Variants in ZNF804B observed in about 807,000 individuals in gnomAD.
ZNF804B encodes the protein zinc finger protein 804B, also known as zinc finger 804B.
A neutral mutation model predicts 101.4 loss-of-function variants in ZNF804B; 80 were observed. The ratio of observed to expected loss-of-function variants is 0.79; its 90% CI spans 0.66 to 0.95. ZNF804B has a LOEUF of 0.95. Ranked by LOEUF, ZNF804B falls within the 40% of genes least tolerant of loss-of-function variation. The probability of loss-of-function intolerance (pLI) is 0.00; values close to 1 mark genes in which losing one functional copy is unlikely to be tolerated. For missense variants in ZNF804B, 1,673 were observed against 1,561.9 expected (o/e 1.07, Z -1.20); for synonymous variants, 622 against 558.8 (o/e 1.11, Z -1.59).
At chr7:89,066,943 A>G (rs775394885) in intron 1 of ZNF804B, among the ~76,000 whole-genome samples, 3 of 151,862 alleles carry the variant, frequency 2.0e-5, no homozygotes, top group Non-Finnish European at 2.9e-5. Context: ...TTTCTAATAT[A>G]TATATAAGTA....
At position 88,857,822 on chromosome 7, in the gene ZNF804B, C is replaced by CTTTTTTTTTTTTTTTTTTTT. The variant is rs55841922; in HGVS notation, c.108+97748_108+97767dup. 1.4e-4 allele frequency among the ~76,000 whole-genome samples: 11 copies of CTTTTTTTTTTTTTTTTTTTT among 81,472 alleles called. 1 individual carries two copies. Among genetic ancestry groups the CTTTTTTTTTTTTTTTTTTTT allele is most frequent in the African/African-American group, 2.6e-4 (5 of 18,868 alleles). 53.4% of individuals were successfully genotyped at this position (81,472 alleles called of 152,430 possible). A position where few individuals can be genotyped will look rare whatever the true frequency, so the allele number is the denominator to read the frequency against. On this transcript the variant is annotated intron_variant, in intron 1 of 3. Transcript: ENST00000333190. The stretch of plus-strand genomic sequence containing the variant: ...CTTTCTTTCTCCTTTCCTTTCTTTT[C>CTTTTTTTTTTTTTTTTTTTT]TTTTTTTTTTTTTTTTTTTTTTTTT...
intron 1 of ZNF804B, among the ~76,000 whole-genome samples, chr7:89,197,874 A>G (rs1227699930): frequency 6.6e-6 from 1 of 151,870 alleles, no homozygotes; most frequent in Non-Finnish European, 1.5e-5. Flanking sequence ...CCTCATTTCT[A>G]TGTGAATAAA....
At chr7:89,135,658 G>A (rs190909834) in intron 1 of ZNF804B, among the ~76,000 whole-genome samples, 1 of 151,928 alleles carries the variant, frequency 6.6e-6, no homozygotes, top group Non-Finnish European at 1.5e-5. Context: ...GATGCACAAG[G>A]ATGATATTAA....
At chr7:89,005,264 G>T (rs1456631932) in intron 1 of ZNF804B, among the ~76,000 whole-genome samples, 1 of 151,990 alleles carries the variant, frequency 6.6e-6, no homozygotes, top group African/African-American at 2.4e-5. Context: ...GGGTTACAAG[G>T]TTACAAAGCA....
intron 1 of ZNF804B, among the ~76,000 whole-genome samples, chr7:88,820,714 G>A (rs994605133): frequency 5.3e-5 from 8 of 152,074 alleles, no homozygotes; most frequent in African/African-American, 1.9e-4. Flanking sequence ...TCTTATTGCT[G>A]TTCTCACTGC....
chr7:88,837,331 G>A (rs928644719), intron 1 of ZNF804B, among the ~76,000 whole-genome samples: 7 of 151,930 alleles, frequency 4.6e-5, no homozygotes, highest in Admixed American at 6.6e-5. Flanking sequence ...AAATGAAATC[G>A]AAATTTTGGA....
At chr7:88,974,489 A>G (rs1306699300) in intron 1 of ZNF804B, among the ~76,000 whole-genome samples, 4 of 151,258 alleles carry the variant, frequency 2.6e-5, no homozygotes, top group African/African-American at 9.7e-5. Context: ...TGATAAATAT[A>G]TATAATTTTA....
At chr7:89,113,897 C>T (rs1014232874) in intron 1 of ZNF804B, among the ~76,000 whole-genome samples, 1 of 151,458 alleles carries the variant, frequency 6.6e-6, no homozygotes, top group African/African-American at 2.4e-5. Context: ...TGTAGTCAGC[C>T]GAGATCGTGC....
intron 1 of ZNF804B, among the ~76,000 whole-genome samples, chr7:89,110,276 A>G (rs1450468136): frequency 6.6e-6 from 1 of 152,200 alleles, no homozygotes; most frequent in African/African-American, 2.4e-5. Context: ...TTCATGAGAA[A>G]CCAGATAGGT....
chr7:88,898,953 C>T (rs1792348513), intron 1 of ZNF804B, among the ~76,000 whole-genome samples: 1 of 152,154 alleles, frequency 6.6e-6, no homozygotes, highest in African/African-American at 2.4e-5. Context: ...CAGTCTTAAC[C>T]CTTGTCTCTT....
At chr7:88,889,448 A>AT (rs553751322) in intron 1 of ZNF804B, among the ~76,000 whole-genome samples, 1 of 152,020 alleles carries the variant, frequency 6.6e-6, no homozygotes, top group Non-Finnish European at 1.5e-5. Flanking sequence ...AACGTCTGTT[A>AT]TTTTTTGACT....
At chr7:89,152,444 CA>C (rs1183382237) in intron 1 of ZNF804B, among the ~76,000 whole-genome samples, 1 of 151,612 alleles carries the variant, frequency 6.6e-6, no homozygotes, top group East Asian at 1.9e-4. Flanking sequence ...CTATTAAATT[CA>C]ATTAAAATTA....
At chr7:89,196,704 G>A (rs891587832) in intron 1 of ZNF804B, among the ~76,000 whole-genome samples, 1 of 151,940 alleles carries the variant, frequency 6.6e-6, no homozygotes, top group African/African-American at 2.4e-5. Context: ...CAAAATGGGA[G>A]AACATTTTTG....
chr7:89,276,963 G>A (rs1234939382), intron 2 of ZNF804B, among the ~76,000 whole-genome samples: 1 of 151,446 alleles, frequency 6.6e-6, no homozygotes, highest in Non-Finnish European at 1.5e-5. Flanking sequence ...TAGTGTATAT[G>A]TTTGTGTCTT....
intron 2 of ZNF804B, among the ~76,000 whole-genome samples, chr7:89,310,763 T>A (rs1411286871): frequency 6.6e-6 from 1 of 152,194 alleles, no homozygotes; most frequent in Non-Finnish European, 1.5e-5. Context: ...ACATTGCTCT[T>A]AAGAAAACAG....
At chr7:89,132,162 G>A (rs367982017) in intron 1 of ZNF804B, among the ~76,000 whole-genome samples, 41 of 87,706 alleles carry the variant, frequency 4.7e-4, no homozygotes, top group African/African-American at 1.4e-3. Context: ...GAGAACACAC[G>A]CACACATACA....
At chr7:88,929,324 T>C (rs941494202) in intron 1 of ZNF804B, among the ~76,000 whole-genome samples, 5 of 149,256 alleles carry the variant, frequency 3.3e-5, no homozygotes, top group African/African-American at 1.2e-4. Context: ...CTTACTTTTC[T>C]ACTATATCCC....
At chr7:88,921,054 A>G (rs1425876000) in intron 1 of ZNF804B, among the ~76,000 whole-genome samples, 5 of 152,102 alleles carry the variant, frequency 3.3e-5, no homozygotes, top group Non-Finnish European at 1.5e-5. Context: ...TGCTGATAAA[A>G]CGAATGCACT....
At chr7:88,795,061 AAG>A (rs1790458368) in intron 1 of ZNF804B, 4 of 794,386 alleles carry the variant, frequency 5.0e-6, no homozygotes, top group East Asian at 3.4e-5. Flanking sequence ...CAAAAAAAAA[AAG>A]AGTAAATCAC....
Sources: allele counts gnomAD v4.1 joint callset (sites outside exome capture counted in the v4.1 genomes callset), GRCh38; gene constraint gnomAD v4.1.1; transcripts MANE v1.5; gene names NCBI Gene and HGNC (gene_info 2026-07-23, HGNC 2026-07-21).